Variants in XIRP2 observed in about 807,000 individuals in gnomAD.
XIRP2 encodes the protein xin actin binding repeat containing 2, also known as xin actin-binding repeat-containing protein 2.
A neutral mutation model predicts 277.0 loss-of-function variants in XIRP2; 236 were observed. That is an observed-to-expected ratio of 0.85 (90% CI 0.77 to 0.95). The LOEUF is 0.95. XIRP2 is among the 40% of genes least tolerant of loss of function. The pLI, the probability that XIRP2 is intolerant of heterozygous loss-of-function variation, is 0.00. For synonymous variants in XIRP2, 1,490 were observed against 1,416.5 expected (o/e 1.05, Z -1.17); for missense variants, 4,640 against 4,157.5 (o/e 1.12, Z -3.19).
chr2:167,038,252 T>C (rs1304475016), intron 2 of XIRP2, among the ~76,000 whole-genome samples: 1 of 152,040 alleles, frequency 6.6e-6, no homozygotes, highest in South Asian at 2.1e-4. Context: ...TGGGATTATA[T>C]GTAAGTTACT....
intron 3 of XIRP2, among the ~76,000 whole-genome samples, chr2:167,164,486 T>A (rs1216738188): frequency 6.8e-6 from 1 of 147,896 alleles, no homozygotes; most frequent in African/African-American, 2.5e-5. Context: ...AACTTGTGAG[T>A]TTTTTAGGAA....
chr2:167,241,147 T>C (rs1298947298), intron 7 of XIRP2, among the ~76,000 whole-genome samples: 1 of 152,152 alleles, frequency 6.6e-6, no homozygotes, highest in Non-Finnish European at 1.5e-5. Flanking sequence ...GAGATTAGAC[T>C]ACAGCCAAAT....
intron 3 of XIRP2, among the ~76,000 whole-genome samples, chr2:167,205,302 G>A (rs931810263): frequency 3.3e-5 from 5 of 152,248 alleles, no homozygotes; most frequent in African/African-American, 1.2e-4. Context: ...TATTTGTTTA[G>A]TGAGAATGAA....
chr2:167,113,520 T>G lies in XIRP2; in HGVS notation c.409-22389T>G, dbSNP rs367935342. Among the ~76,000 whole-genome samples the G allele has an allele frequency of 5.3e-5, 8 of 152,214 alleles. No homozygotes were observed. In the East Asian group the frequency reaches 1.3e-3, roughly 26 times the overall value. ...GTAGATTTTTCTCCATCCCTTCATTTTGAGCCTATGGATGTCATTGCATGT... is the reference window on the plus strand; with the variant it reads ...GTAGATTTTTCTCCATCCCTTCATTGTGAGCCTATGGATGTCATTGCATGT... On this transcript the variant is annotated intron_variant, in intron 2 of 10. Coordinates refer to ENST00000409195, the MANE Select transcript of XIRP2 (RefSeq NM_152381.6).
intron 2 of XIRP2, among the ~76,000 whole-genome samples, chr2:167,076,607 A>T (rs749945504): frequency 5.9e-5 from 9 of 152,168 alleles, no homozygotes; most frequent in Non-Finnish European, 1.0e-4. Context: ...AGCTTTAGAG[A>T]CATTCTTTCT....
chr2:167,057,123 C>T (rs1309191428), intron 2 of XIRP2, among the ~76,000 whole-genome samples: 1 of 151,966 alleles, frequency 6.6e-6, no homozygotes, highest in Non-Finnish European at 1.5e-5. Context: ...TATCTATTAC[C>T]ATCATCAACA....
At chr2:167,117,549 A>T (rs1163573642) in intron 2 of XIRP2, among the ~76,000 whole-genome samples, 3 of 152,160 alleles carry the variant, frequency 2.0e-5, no homozygotes, top group African/African-American at 7.2e-5. Context: ...ATCCAAGGAG[A>T]TAATGTCAGC....
chr2:167,240,783 T>C, intron 7 of XIRP2, 47 bp downstream of exon 7: 2 of 1,544,972 alleles, frequency 1.3e-6, no homozygotes, highest in Non-Finnish European at 1.8e-6. Flanking sequence ...CTCCTATTGA[T>C]GTGTTTGATT....
intron 2 of XIRP2, among the ~76,000 whole-genome samples, chr2:167,076,762 A>T (rs547627244): frequency 6.6e-6 from 1 of 152,266 alleles, no homozygotes; most frequent in East Asian, 1.9e-4. Flanking sequence ...GGGAAAAGGG[A>T]TGTTAAGAAA....
intron 2 of XIRP2, among the ~76,000 whole-genome samples, chr2:167,058,172 C>G (rs1689086931): frequency 6.6e-6 from 1 of 151,886 alleles, no homozygotes; most frequent in Admixed American, 6.6e-5. Context: ...AAGTGATCCT[C>G]CCATCTCTGC....
At chr2:166,897,099 C>T (rs1187436653) in intron 1 of XIRP2, among the ~76,000 whole-genome samples, 1 of 152,192 alleles carries the variant, frequency 6.6e-6, no homozygotes, top group Non-Finnish European at 1.5e-5. Context: ...ATACATTGCT[C>T]AGAACATTAA....
intron 2 of XIRP2, among the ~76,000 whole-genome samples, chr2:167,038,267 A>G (rs1384622517): frequency 4.6e-5 from 7 of 152,024 alleles, no homozygotes; most frequent in African/African-American, 1.4e-4. Context: ...GTTACTTTCT[A>G]ATTTATATAT....
In XIRP2 at chr2:167,210,772, A is replaced by C. The variant is rs1286438481; in HGVS notation, c.600A>C (p.Ala200=). 19 of 1,614,236 alleles carry C rather than the reference A, an allele frequency of 1.2e-5. No individual in the cohort carries two copies. Among genetic ancestry groups the C allele is most frequent in the Non-Finnish European group, 1.4e-5 (17 of 1,180,040 alleles). The change falls in exon 4 of 11, where the codon GCA becomes GCC. Residue 200 remains alanine (A), a synonymous_variant. Coordinates refer to ENST00000409195, the MANE Select transcript of XIRP2 (RefSeq NM_152381.6). ...AGPNKPESGF[A]EDSAARGEGV... is the part of the protein sequence containing the mutation. ...CTAATAAGCCTGAGAGTGGATTTGCAGAAGACAGTGCTGCTCGGGGCGAGG... is the reference window on the plus strand; with the variant it reads ...CTAATAAGCCTGAGAGTGGATTTGCCGAAGACAGTGCTGCTCGGGGCGAGG...
At chr2:167,193,950 T>A (rs1243954721) in intron 3 of XIRP2, among the ~76,000 whole-genome samples, 3 of 151,614 alleles carry the variant, frequency 2.0e-5, no homozygotes, top group Non-Finnish European at 4.4e-5. Flanking sequence ...ATTGAGGAAG[T>A]GTCAAACTAA....
At chr2:167,208,378 CT>C (rs1475709460) in intron 3 of XIRP2, among the ~76,000 whole-genome samples, 1 of 152,138 alleles carries the variant, frequency 6.6e-6, no homozygotes, top group Non-Finnish European at 1.5e-5. Context: ...GCGATCTTGG[CT>C]TCACTGCAAG....
chr2:167,012,263 T>C (rs1435591848), intron 2 of XIRP2, among the ~76,000 whole-genome samples: 1 of 151,928 alleles, frequency 6.6e-6, no homozygotes, highest in Non-Finnish European at 1.5e-5. Context: ...ATGTTGTGTC[T>C]TTGTTCTCAT....
At chr2:167,118,201 T>C (rs1049688246) in intron 2 of XIRP2, among the ~76,000 whole-genome samples, 1 of 152,130 alleles carries the variant, frequency 6.6e-6, no homozygotes, top group East Asian at 1.9e-4. Flanking sequence ...CTTGATGGTC[T>C]GGGTGCAGTG....
At chr2:166,913,318 C>CT (rs139652739) in intron 2 of XIRP2, among the ~76,000 whole-genome samples, 45,246 of 149,334 alleles carry the variant, frequency 0.3, 7,684 homozygotes, top group East Asian at 0.55. Context: ...GCACCCCCCC[C>CT]CCCCAGCCTC....
chr2:167,182,476 G>T (rs1208043003), intron 3 of XIRP2, among the ~76,000 whole-genome samples: 1 of 152,158 alleles, frequency 6.6e-6, no homozygotes, highest in Non-Finnish European at 1.5e-5. Context: ...CCTACACTAA[G>T]AATTTATTAT....
Sources: gnomAD v4.1 joint callset for allele counts (sites outside exome capture counted in the v4.1 genomes callset) on GRCh38, gnomAD v4.1.1 for gene constraint, MANE v1.5 for transcripts, NCBI Gene and HGNC (gene_info 2026-07-23, HGNC 2026-07-21) for gene names.